The following PTPRD variants were observed in gnomAD, a reference collection of about 807,000 sequenced individuals.
The protein encoded by PTPRD is receptor-type tyrosine-protein phosphatase delta.
In PTPRD, 34 loss-of-function variants were observed where a neutral mutation model predicts 214.5. That is an observed-to-expected ratio of 0.16 (90% CI 0.12 to 0.21). The LOEUF (loss-of-function observed/expected upper bound fraction) is 0.21. Among genes scored for constraint, PTPRD ranks in the 10% least tolerant of loss-of-function variants. PTPRD has a pLI of 1.00. For missense variants in PTPRD, 2,545 were observed against 2,398.7 expected, an observed-to-expected ratio of 1.06 and a Z score of -1.27; for synonymous variants, 1,128 against 845.7, an observed-to-expected ratio of 1.33 and a Z score of -5.79.
At position 9,344,507 on chromosome 9, in the gene PTPRD, TA is replaced by T. The variant is rs990787337; in HGVS notation, c.-203+52941del. Among the ~76,000 whole-genome samples the T allele has an allele frequency of 1.0e-3, 151 of 150,308 alleles. 2 individuals are homozygous for T. The highest frequency in any genetic ancestry group is 2.0e-3 in the African/African-American group (82 of 41,004). On this transcript the variant is annotated intron_variant, in intron 9 of 45. Transcript: ENST00000381196. Reference sequence around the variant, plus strand: ...CTTAAAGTAAAATAAAAGTAAAAATTAAAAAAAAAGAAAGCTAACTCATCTT... The same window carrying T: ...CTTAAAGTAAAATAAAAGTAAAAATTAAAAAAAAGAAAGCTAACTCATCTT...
At chr9:9,987,991 G>A (rs2095782637) in intron 4 of PTPRD, among the ~76,000 whole-genome samples, 1 of 152,046 alleles carries the variant, frequency 6.6e-6, no homozygotes, top group Non-Finnish European at 1.5e-5. Context: ...TTATAATCGA[G>A]TCAAAACATT....
At chr9:9,782,213 T>C (rs2098851428) in intron 5 of PTPRD, among the ~76,000 whole-genome samples, 4 of 152,190 alleles carry the variant, frequency 2.6e-5, no homozygotes, top group Admixed American at 2.6e-4. Context: ...TGTATATGTA[T>C]GCATGAACAT....
intron 8 of PTPRD, among the ~76,000 whole-genome samples, chr9:9,483,992 T>C (rs1383810050): frequency 6.6e-6 from 1 of 151,904 alleles, no homozygotes; most frequent in Admixed American, 6.6e-5. Flanking sequence ...CCACACCATA[T>C]AATAGTATTT....
chr9:8,789,110 T>C (rs1301078239), intron 11 of PTPRD, among the ~76,000 whole-genome samples: 2 of 152,190 alleles, frequency 1.3e-5, no homozygotes, highest in African/African-American at 2.4e-5. Flanking sequence ...GCCTGAAGGA[T>C]GACTCCAAAG....
chr9:8,664,491 C>A (rs1310249923), intron 12 of PTPRD, among the ~76,000 whole-genome samples: 2 of 152,108 alleles, frequency 1.3e-5, no homozygotes. Flanking sequence ...AACTGCACAC[C>A]AAGAAGCATG....
At chr9:8,448,846 T>C (rs1441441012) in intron 34 of PTPRD, among the ~76,000 whole-genome samples, 1 of 152,208 alleles carries the variant, frequency 6.6e-6, no homozygotes, top group Non-Finnish European at 1.5e-5. Context: ...ACAAAGAAAC[T>C]TGTCTACAAT....
intron 5 of PTPRD, among the ~76,000 whole-genome samples, chr9:9,784,995 C>T (rs2098909735): frequency 1.3e-5 from 2 of 150,802 alleles, no homozygotes; most frequent in South Asian, 4.2e-4. Context: ...TTCACCAACA[C>T]GGTTTAGCTA....
chr9:8,586,328 T>G (rs1317266281), intron 14 of PTPRD, among the ~76,000 whole-genome samples: 1 of 152,114 alleles, frequency 6.6e-6, no homozygotes, highest in African/African-American at 2.4e-5. Context: ...TAATATCTTG[T>G]GTATTATAAA....
chr9:8,356,386 C>T (rs1355433879), intron 39 of PTPRD, among the ~76,000 whole-genome samples: 2 of 152,162 alleles, frequency 1.3e-5, no homozygotes, highest in Admixed American at 1.3e-4. Context: ...CCAAGGGGCA[C>T]AGCAAAATAG....
chr9:8,638,208 G>C (rs2096490141), intron 12 of PTPRD, among the ~76,000 whole-genome samples: 1 of 149,542 alleles, frequency 6.7e-6, no homozygotes, highest in Admixed American at 6.7e-5. Flanking sequence ...AATAACCATA[G>C]CTAAAATTGA....
rs954062814 is a variant in PTPRD at position 8,609,855 on chromosome 9, T to C, written c.352+23462A>G. Among the ~76,000 whole-genome samples the C allele has an allele frequency of 9.2e-5, 14 of 152,308 alleles. No homozygotes were observed. In the South Asian group the frequency reaches 1.2e-3, roughly 14 times the overall value. ...TCCTTTTAACCGTATTTTTTCCTTA[T>C]ACAAATAATATAAAGGAGAAAAAAT... is the stretch of plus-strand genomic sequence containing the variant. On this transcript the variant is annotated intron_variant, in intron 14 of 45. Transcript: ENST00000381196.
intron 12 of PTPRD, among the ~76,000 whole-genome samples, chr9:8,647,282 T>C (rs1209477032): frequency 1.3e-5 from 2 of 152,360 alleles, no homozygotes; most frequent in East Asian, 1.9e-4. Context: ...ACTCTTCTAA[T>C]TGTACGTATT....
intron 5 of PTPRD, among the ~76,000 whole-genome samples, chr9:9,808,495 G>A (rs1427562611): frequency 1.3e-5 from 2 of 152,084 alleles, no homozygotes; most frequent in South Asian, 2.1e-4. Context: ...CACCGTACCC[G>A]GATAGGCTTT....
chr9:9,947,002 G>C (rs2092652442), intron 4 of PTPRD, among the ~76,000 whole-genome samples: 2 of 151,474 alleles, frequency 1.3e-5, no homozygotes, highest in Non-Finnish European at 2.9e-5. Flanking sequence ...AGTTCTATTT[G>C]CTTGTGAAGA....
chr9:8,802,354 A>G (rs985169824), intron 11 of PTPRD, among the ~76,000 whole-genome samples: 1 of 152,022 alleles, frequency 6.6e-6, no homozygotes. Flanking sequence ...TGCTTCCCTG[A>G]CTCTCACGCC....
chr9:8,409,106 T>C (rs895152840), intron 35 of PTPRD, among the ~76,000 whole-genome samples: 1 of 152,204 alleles, frequency 6.6e-6, no homozygotes, highest in Non-Finnish European at 1.5e-5. Context: ...TATAAATATA[T>C]CCAATAGTTG....
intron 10 of PTPRD, among the ~76,000 whole-genome samples, chr9:9,095,502 A>G (rs1167534633): frequency 1.3e-5 from 2 of 152,176 alleles, no homozygotes; most frequent in African/African-American, 2.4e-5. Context: ...TTAAAAATAT[A>G]TATCTGTTGA....
chr9:9,952,305 G>A (rs1204538103), intron 4 of PTPRD, among the ~76,000 whole-genome samples: 1 of 152,198 alleles, frequency 6.6e-6, no homozygotes, highest in Non-Finnish European at 1.5e-5. Flanking sequence ...GAAGCCAGGT[G>A]ATGGTACTTA....
At chr9:8,380,500 C>T (rs929775802) in intron 37 of PTPRD, among the ~76,000 whole-genome samples, 2 of 152,084 alleles carry the variant, frequency 1.3e-5, no homozygotes, top group Non-Finnish European at 2.9e-5. Flanking sequence ...GCTAAATTTG[C>T]GGGAGGCATT....
Sources: gnomAD v4.1 joint callset for allele counts (sites outside exome capture counted in the v4.1 genomes callset) on GRCh38, gnomAD v4.1.1 for gene constraint, MANE v1.5 for transcripts, NCBI Gene and HGNC (gene_info 2026-07-23, HGNC 2026-07-21) for gene names.